The following RNMT variants were observed in gnomAD, a reference collection of about 807,000 sequenced individuals.
RNMT encodes mRNA cap guanine-N(7) methyltransferase.
RNMT carries 27 observed loss-of-function variants against 56.0 expected under a neutral mutation model. The observed-to-expected ratio is 0.48, with a 90% CI of 0.36 to 0.67. The LOEUF (loss-of-function observed/expected upper bound fraction) is 0.67, where lower values mean the gene tolerates loss of function less well. RNMT is among the 30% of genes least tolerant of loss of function. The pLI, the probability that RNMT is intolerant of heterozygous loss-of-function variation, is 0.00. For synonymous variants in RNMT, 184 were observed against 176.2 expected, an observed-to-expected ratio of 1.04 and a Z score of -0.35; for missense variants, 519 against 552.1, an observed-to-expected ratio of 0.94 and a Z score of 0.60.
At chr18:13,752,250 T>G (rs929250122) in intron 9 of RNMT, 76 bp from the exon 10 acceptor site, 2 of 832,808 alleles carry the variant, frequency 2.4e-6, no homozygotes, top group Non-Finnish European at 2.1e-6. Flanking sequence ...ATTATGTTAT[T>G]TCAGTGATTT....
chr18:13,743,296 C>A (rs1393308451), intron 8 of RNMT, among the ~76,000 whole-genome samples: 1 of 145,412 alleles, frequency 6.9e-6, no homozygotes, highest in East Asian at 2.0e-4. Context: ...GCGCTCCAGC[C>A]TGGGCGACAG....
At position 13,754,165 on chromosome 18, in the gene RNMT, A is replaced by C. The variant is rs1167021371; in HGVS notation, c.1393+18A>C. On this transcript the variant is annotated intron_variant, in intron 11 of 11. Coordinates refer to ENST00000383314, the MANE Select transcript of RNMT (RefSeq NM_003799.3). ...AGCTACAAGTGAGTATATCATCAGCATAGATTAACTGATAATTTCAAAAGT... is the reference window on the plus strand; with the variant it reads ...AGCTACAAGTGAGTATATCATCAGCCTAGATTAACTGATAATTTCAAAAGT... 1.3e-6 allele frequency: 2 copies of C among 1,515,224 alleles called. No homozygotes were observed. The highest frequency in any genetic ancestry group is 3.4e-5 in the Admixed American group (2 of 58,300). 93.9% of individuals were successfully genotyped at this position (1,515,224 alleles called of 1,614,324 possible).
At chr18:13,742,233 G>A (rs548559914) in intron 7 of RNMT, among the ~76,000 whole-genome samples, 3 of 152,158 alleles carry the variant, frequency 2.0e-5, no homozygotes, top group South Asian at 4.2e-4. Context: ...TGCTCAGGAG[G>A]CTGAGGCAGG....
In RNMT at chr18:13,762,218, A is replaced by G; in HGVS notation, c.*2239A>G. 6.9e-7 allele frequency: 1 copy of G among 1,445,178 alleles called. No homozygotes were observed. The highest frequency in any genetic ancestry group is 9.2e-7 in the Non-Finnish European group (1 of 1,090,258). 89.5% of individuals were successfully genotyped at this position (1,445,178 alleles called of 1,614,324 possible). ...ATTGGTGGGAATGACGGAACTGGGG[A>G]TTGCGATGATTGATCTGGGAACATG... On this transcript the variant is annotated 3_prime_UTR_variant, in exon 12 of 12. Coordinates refer to ENST00000383314, the MANE Select transcript of RNMT (RefSeq NM_003799.3).
intron 1 of RNMT, among the ~76,000 whole-genome samples, chr18:13,727,346 T>C (rs2043976820): frequency 6.6e-6 from 1 of 152,220 alleles, no homozygotes; most frequent in Admixed American, 6.5e-5. Context: ...CGCGTGTCCA[T>C]CTCCATGTCA....
chr18:13,741,729 T>C (rs2044254789), intron 7 of RNMT, 38 bp downstream of exon 7: 2 of 1,384,464 alleles, frequency 1.4e-6, no homozygotes, highest in Non-Finnish European at 2.0e-6. Flanking sequence ...TATAAAATAT[T>C]CAGTATTAAG....
At chr18:13,757,054 G>A (rs1033863026) in intron 11 of RNMT, among the ~76,000 whole-genome samples, 5 of 152,188 alleles carry the variant, frequency 3.3e-5, no homozygotes, top group African/African-American at 9.7e-5. Flanking sequence ...TGGTTTCCCA[G>A]TGCATATAAA....
At chr18:13,743,853 AAG>A in intron 8 of RNMT, among the ~76,000 whole-genome samples, 1 of 152,080 alleles carries the variant, frequency 6.6e-6, no homozygotes, top group Admixed American at 6.6e-5. Flanking sequence ...TCAATAATAT[AAG>A]AAAGCCAAGT....
chr18:13,748,720 A>G (rs1227706313), intron 9 of RNMT, among the ~76,000 whole-genome samples: 1 of 152,126 alleles, frequency 6.6e-6, no homozygotes, highest in Non-Finnish European at 1.5e-5. Flanking sequence ...TCACCAGCAA[A>G]CATATTCTAG....
In RNMT at chr18:13,759,991, G is replaced by A; in HGVS notation, c.*12G>A. The A allele has an allele frequency of 6.2e-7, 1 of 1,612,880 alleles. No individual in the cohort carries two copies. The highest frequency in any genetic ancestry group is 8.5e-7 in the Non-Finnish European group (1 of 1,179,264). On this transcript the variant is annotated 3_prime_UTR_variant, in exon 12 of 12. Coordinates refer to ENST00000383314, the MANE Select transcript of RNMT (RefSeq NM_003799.3). ...AGAAACAGCAGTGAGCACATAGGCA[G>A]TAGTCCCAGAGGGGCCGTGTTCTGT...
At chr18:13,742,388 G>A (rs2149092968) in intron 7 of RNMT, 100 bp from the exon 8 acceptor site, 1 of 985,674 alleles carries the variant, frequency 1.0e-6, no homozygotes, top group South Asian at 1.5e-5. Flanking sequence ...CTAATCAAGT[G>A]TGCATCATGT....
In RNMT at chr18:13,762,367, A is replaced by T. The variant is rs1598433156; in HGVS notation, c.*2388A>T. ...GGCAGTTTTTAACCACTTCTGTGGG[A>T]GCCGTGTTCTAACCTGTGGAAAGTA... On this transcript the variant is annotated 3_prime_UTR_variant, in exon 12 of 12. Transcript: ENST00000383314. The T allele has an allele frequency of 3.5e-6, 2 of 567,742 alleles. No individual in the cohort carries two copies. Among genetic ancestry groups the T allele is most frequent in the East Asian group, 6.4e-5 (2 of 31,428 alleles). 35.2% of individuals were successfully genotyped at this position (567,742 alleles called of 1,614,324 possible). A position where few individuals can be genotyped will look rare whatever the true frequency, so the allele number is the denominator to read the frequency against.
At chr18:13,744,159 CTTTTTTTTTTTTTTTT>C (rs201093998) in intron 8 of RNMT, among the ~76,000 whole-genome samples, 10 of 91,384 alleles carry the variant, frequency 1.1e-4, no homozygotes, top group Non-Finnish European at 1.3e-4. Context: ...TAGCGGTCTT[CTTTTTTTTTTTTTTTT>C]TTTTTTTTTT....
At chr18:13,731,449 G>T in intron 2 of RNMT, 27 bp from the exon 3 acceptor site, 1 of 1,251,934 alleles carries the variant, frequency 8.0e-7, no homozygotes, top group Non-Finnish European at 1.1e-6. Context: ...GTGTTTACAA[G>T]TAATACCAAT....
chr18:13,737,394 T>C (rs1245720943), intron 5 of RNMT, among the ~76,000 whole-genome samples: 2 of 151,882 alleles, frequency 1.3e-5, no homozygotes, highest in Non-Finnish European at 2.9e-5. Context: ...ATACAGAAAA[T>C]TAGCTGGGCA....
chr18:13,740,139 A>G (rs1232936234), intron 5 of RNMT, 28 bp from the exon 6 acceptor site: 10 of 1,332,722 alleles, frequency 7.5e-6, no homozygotes, highest in South Asian at 2.4e-5. Context: ...CTGTGTTGAT[A>G]CTTACTAATA....
Position 13,737,111 on chromosome 18 carries a change from A to G in RNMT, c.655A>G (p.Arg219Gly), listed in dbSNP as rs755962149. 1 of 1,610,980 alleles carries G rather than the reference A, an allele frequency of 6.2e-7. No individual in the cohort carries two copies. Among genetic ancestry groups the G allele is most frequent in the South Asian group, 1.1e-5 (1 of 90,910 alleles). Reference sequence around the variant, plus strand: ...AGATTTGCTGAAATGGAAAAAAGGAAGAATTAACAAGCTAGTTTGTACTGG... The same window carrying G: ...AGATTTGCTGAAATGGAAAAAAGGAGGAATTAACAAGCTAGTTTGTACTGG... ...GGDLLKWKKG[R>G]INKLVCTDIA... The change falls in exon 5 of 12, where the codon AGA becomes GGA. Residue 219 changes from arginine (R) to glycine (G), a missense_variant. Transcript: ENST00000383314.
chr18:13,741,017 T>C (rs932755767), intron 6 of RNMT, among the ~76,000 whole-genome samples: 7 of 152,240 alleles, frequency 4.6e-5, no homozygotes, highest in South Asian at 2.1e-4. Flanking sequence ...CCATGAACTT[T>C]TTGTTCTTCA....
intron 8 of RNMT, among the ~76,000 whole-genome samples, chr18:13,744,149 T>G: frequency 6.8e-6 from 1 of 147,294 alleles, no homozygotes; most frequent in Non-Finnish European, 1.5e-5. Flanking sequence ...AAACAAGACC[T>G]AGCGGTCTTC....
Sources: allele counts gnomAD v4.1 joint callset (sites outside exome capture counted in the v4.1 genomes callset), GRCh38; gene constraint gnomAD v4.1.1; transcripts MANE v1.5; gene names NCBI Gene and HGNC (gene_info 2026-07-23, HGNC 2026-07-21).